SLC16A5: variants seen among roughly 807,000 people sequenced by gnomAD.
The protein encoded by SLC16A5 is solute carrier family 16 member 5, also known as monocarboxylate transporter 6.
A neutral mutation model predicts 33.2 loss-of-function variants in SLC16A5; 29 were observed. The observed-to-expected ratio is 0.87, with a 90% CI of 0.65 to 1.19. SLC16A5 has a LOEUF of 1.19. Ranked by LOEUF, SLC16A5 falls within the 50% of genes most tolerant of loss-of-function variation. The pLI is 0.00. For missense variants in SLC16A5, 606 were observed against 678.2 expected (o/e 0.89, Z 1.18); for synonymous variants, 248 against 284.1 (o/e 0.87, Z 1.28).
At chr17:75,104,270 C>A (rs1307819619) in intron 6 of SLC16A5, 90 bp downstream of exon 6, 13 of 1,540,242 alleles carry the variant, frequency 8.4e-6, no homozygotes, top group Non-Finnish European at 1.1e-5. Flanking sequence ...CTCAGCCCAG[C>A]CCAGGAGGGG....
chr17:75,089,009 G>A (rs1451056940), intron 1 of SLC16A5, 142 bp from the exon 2 acceptor site: 1 of 152,226 alleles, frequency 6.6e-6, no homozygotes, highest in Non-Finnish European at 1.5e-5. Flanking sequence ...ATTGGGCCTA[G>A]GGGTCTTTGA....
At chr17:75,104,228 T>C (rs2073835871) in intron 6 of SLC16A5, 48 bp downstream of exon 6, 2 of 1,598,138 alleles carry the variant, frequency 1.3e-6, no homozygotes, top group Non-Finnish European at 1.7e-6. Flanking sequence ...GTGACCAGTG[T>C]CTGAGTCCTG....
chr17:75,104,768 C>A, intron 6 of SLC16A5: 2 of 985,368 alleles, frequency 2.0e-6, no homozygotes, highest in Non-Finnish European at 2.4e-6. Flanking sequence ...CCTTTTCTAA[C>A]AACTAGCGGA....
At chr17:75,097,233 ACT>A (rs1414263885) in intron 3 of SLC16A5, among the ~76,000 whole-genome samples, 1 of 151,506 alleles carries the variant, frequency 6.6e-6, no homozygotes, top group Non-Finnish European at 1.5e-5. Flanking sequence ...CTTTAGTTGC[ACT>A]CTCGGAGAGT....
chr17:75,107,876 C>T (rs145249028), downstream of SLC16A5, among the ~76,000 whole-genome samples: 2,674 of 151,900 alleles, frequency 0.018, 36 homozygotes, highest in Non-Finnish European at 0.03. Context: ...GGCGGAGCTT[C>T]CAGTGAGCTG....
At chr17:75,094,061 A>T (rs1480165044) in intron 3 of SLC16A5, among the ~76,000 whole-genome samples, 1 of 152,164 alleles carries the variant, frequency 6.6e-6, no homozygotes, top group African/African-American at 2.4e-5. Context: ...AGCCAGGCGG[A>T]GCCTTGCGTC....
intron 3 of SLC16A5, 55 bp from the exon 4 acceptor site, chr17:75,097,983 C>T: frequency 6.5e-7 from 1 of 1,546,350 alleles, no homozygotes; most frequent in Non-Finnish European, 8.7e-7. Context: ...CCACTCTCCT[C>T]CTCTCCCGCC....
intron 2 of SLC16A5, chr17:75,093,176 C>T (rs1441913816): frequency 9.4e-6 from 5 of 534,740 alleles, no homozygotes; most frequent in Non-Finnish European, 1.7e-5. Context: ...TCCTTGGGTG[C>T]ATTTGGGGGG....
chr17:75,099,745 G>A (rs1470313013), intron 4 of SLC16A5, among the ~76,000 whole-genome samples: 2 of 152,062 alleles, frequency 1.3e-5, no homozygotes, highest in Non-Finnish European at 2.9e-5. Flanking sequence ...GGCCCAATTT[G>A]GGTTTTTAAA....
intron 3 of SLC16A5, among the ~76,000 whole-genome samples, chr17:75,096,836 C>G (rs1226590899): frequency 7.5e-6 from 1 of 133,454 alleles, no homozygotes; most frequent in Admixed American, 7.8e-5. Flanking sequence ...ATGGCCACTC[C>G]ATCACTTTTT....
At chr17:75,102,738 T>G (rs1568009144) in intron 5 of SLC16A5, among the ~76,000 whole-genome samples, 1 of 125,542 alleles carries the variant, frequency 8.0e-6, no homozygotes, top group Non-Finnish European at 1.5e-5. Context: ...TTCTTTTTTC[T>G]TTTTTTTTTT....
Position 75,105,310 on chromosome 17 carries a change from G to C in SLC16A5, c.1365-570G>C, listed in dbSNP as rs566256084. On this transcript the variant is annotated intron_variant, in intron 6 of 6. Coordinates refer to ENST00000329783, the MANE Select transcript of SLC16A5 (RefSeq NM_004695.4). ...CCCCACCCTGTCTCCTTGGCGGGGA[G>C]GATTAGTGCCAGGTGGGGGAAGCCA... The C allele has an allele frequency of 1.8e-4, 174 of 985,438 alleles. No homozygotes were observed. The African/African-American group carries it at 2.8e-3, about 16-fold the overall frequency. The allele number at this position is 985,438 out of a possible 1,614,324, so 61.0% of individuals were successfully genotyped here. A position where few individuals can be genotyped will look rare whatever the true frequency, so the allele number is the denominator to read the frequency against.
chr17:75,091,793 C>T (rs1400834489), intron 2 of SLC16A5, among the ~76,000 whole-genome samples: 1 of 152,212 alleles, frequency 6.6e-6, no homozygotes, highest in Non-Finnish European at 1.5e-5. Flanking sequence ...AGGCTGCTCC[C>T]TCGCAGTGCC....
Position 75,104,117 on chromosome 17 carries a change from T to C in SLC16A5, c.1301T>C (p.Leu434Pro). Residue 434 changes from leucine (L) to proline (P), a missense_variant, in exon 6 of 7, where the codon CTG becomes CCG. Leu to Pro is a moderately conservative substitution (Grantham distance 98, BLOSUM62 -3). Coordinates refer to ENST00000329783, the MANE Select transcript of SLC16A5 (RefSeq NM_004695.4). ...QGKQAVAADA[L>P]ERDLFLEAKD... is the part of the protein sequence containing the mutation. The stretch of plus-strand genomic sequence containing the variant: ...AAGCAGGCTGTCGCGGCGGATGCCC[T>C]GGAGCGGGATCTTTTCTTGGAAGCC... 6.2e-7 allele frequency: 1 copy of C among 1,614,204 alleles called. No individual in the cohort carries two copies. Among genetic ancestry groups the C allele is most frequent in the Non-Finnish European group, 8.5e-7 (1 of 1,180,044 alleles).
rs539147742 is a variant in SLC16A5, at chr17:75,100,674, G to A, written c.1011G>A (p.Ala337=). 4.3e-5 allele frequency: 70 copies of A among 1,614,192 alleles called. No homozygotes were observed. The highest frequency in any genetic ancestry group is 1.6e-4 in the Middle Eastern group (1 of 6,062). ...DFWVLVGYCL[A]YSVSMSGIGA... ...GGGTGCTCGTGGGCTACTGCCTGGC[G>A]TACAGCGTGTCCATGAGTGGCATCG... The change falls in exon 5 of 7, where the codon GCG becomes GCA. Residue 337 remains alanine (A), a synonymous_variant. Coordinates refer to ENST00000329783, the MANE Select transcript of SLC16A5 (RefSeq NM_004695.4).
At chr17:75,090,762 C>A (rs978924086) in intron 2 of SLC16A5, among the ~76,000 whole-genome samples, 2 of 152,032 alleles carry the variant, frequency 1.3e-5, no homozygotes, top group Non-Finnish European at 2.9e-5. Flanking sequence ...CCCGGCCTGG[C>A]AGCAGAGCTT....
chr17:75,102,789 A>G (rs950311908), intron 5 of SLC16A5, among the ~76,000 whole-genome samples: 28 of 150,976 alleles, frequency 1.9e-4, no homozygotes, highest in African/African-American at 5.4e-4. Flanking sequence ...CTGGAGTGCA[A>G]TGGTGTGATC....
chr17:75,092,615 G>A (rs9908163), intron 2 of SLC16A5, among the ~76,000 whole-genome samples: 7,605 of 152,022 alleles, frequency 0.05, 658 homozygotes, highest in African/African-American at 0.17. Flanking sequence ...TTGAGCCATC[G>A]TGCCCGGCCA....
At chr17:75,095,239 G>A (rs1244517913) in intron 3 of SLC16A5, among the ~76,000 whole-genome samples, 1 of 152,204 alleles carries the variant, frequency 6.6e-6, no homozygotes, top group Non-Finnish European at 1.5e-5. Flanking sequence ...CTGGCCTGCA[G>A]GGTTGGGGCA....
Sources: gnomAD v4.1 joint callset for allele counts (sites outside exome capture counted in the v4.1 genomes callset) on GRCh38, gnomAD v4.1.1 for gene constraint, MANE v1.5 for transcripts, NCBI Gene and HGNC (gene_info 2026-07-23, HGNC 2026-07-21) for gene names.